The following RARB variants were observed in gnomAD, a reference collection of about 807,000 sequenced individuals.
The protein encoded by RARB is HBV-activated protein.
Under a neutral mutation model 51.9 loss-of-function variants are expected in RARB, and 17 were observed. That is an observed-to-expected ratio of 0.33 (90% confidence interval 0.22 to 0.49). The LOEUF (loss-of-function observed/expected upper bound fraction) is 0.49. RARB is among the 20% of genes least tolerant of loss of function. The pLI is 0.99. For missense variants in RARB, 369 were observed against 550.8 expected, an observed-to-expected ratio of 0.67 and a Z score of 3.30; for synonymous variants, 215 against 195.4, an observed-to-expected ratio of 1.10 and a Z score of -0.84.
intron 5 of RARB, among the ~76,000 whole-genome samples, chr3:25,371,617 A>G (rs923630017): frequency 1.3e-5 from 2 of 152,266 alleles, no homozygotes; most frequent in African/African-American, 2.4e-5. Context: ...AAGTGGATCA[A>G]TAAGTGTTTT....
At chr3:25,357,317 T>C (rs1705773048) in intron 5 of RARB, among the ~76,000 whole-genome samples, 1 of 152,250 alleles carries the variant, frequency 6.6e-6, no homozygotes, top group African/African-American at 2.4e-5. Flanking sequence ...TGTCTTCTTT[T>C]CAAAAGTATC....
At chr3:25,010,794 T>G (rs1697379209) in intron 2 of RARB, among the ~76,000 whole-genome samples, 1 of 152,148 alleles carries the variant, frequency 6.6e-6, no homozygotes, top group African/African-American at 2.4e-5. Flanking sequence ...GATCCTTCTT[T>G]GGTCAGAATT....
chr3:25,561,755 A>T (rs934136653), intron 3 of RARB, among the ~76,000 whole-genome samples: 1 of 152,228 alleles, frequency 6.6e-6, no homozygotes, highest in Non-Finnish European at 1.5e-5. Flanking sequence ...GGCTTTTAAA[A>T]GACAGTAGAA....
At chr3:25,560,345 T>A (rs1700223090) in intron 3 of RARB, among the ~76,000 whole-genome samples, 1 of 152,224 alleles carries the variant, frequency 6.6e-6, no homozygotes, top group Admixed American at 6.5e-5. Context: ...TTTCTAAAAT[T>A]GACAACATGA....
At chr3:24,975,986 T>G (rs1173615834) in intron 2 of RARB, among the ~76,000 whole-genome samples, 1 of 152,208 alleles carries the variant, frequency 6.6e-6, no homozygotes, top group Non-Finnish European at 1.5e-5. Flanking sequence ...TTTCTCATTG[T>G]TCAACTCCCA....
chr3:25,035,158 A>G (rs1227106903), intron 2 of RARB, among the ~76,000 whole-genome samples: 7 of 152,102 alleles, frequency 4.6e-5, no homozygotes, highest in Non-Finnish European at 8.8e-5. Flanking sequence ...GTCTTACTCT[A>G]TCACTCGGGC....
intron 5 of RARB, among the ~76,000 whole-genome samples, chr3:25,402,562 T>A (rs936267989): frequency 1.3e-5 from 2 of 152,134 alleles, no homozygotes; most frequent in East Asian, 3.9e-4. Flanking sequence ...TAAGTTTCCA[T>A]CAATAGATGA....
chr3:25,545,777 A>T (rs1291071199), intron 3 of RARB, among the ~76,000 whole-genome samples: 1 of 152,146 alleles, frequency 6.6e-6, no homozygotes, highest in African/African-American at 2.4e-5. Flanking sequence ...AATTTATGAA[A>T]GGCTGAGGAT....
intron 2 of RARB, among the ~76,000 whole-genome samples, chr3:24,929,694 T>G (rs1039903815): frequency 6.6e-6 from 1 of 152,080 alleles, no homozygotes; most frequent in African/African-American, 2.4e-5. Context: ...TTCTTATTCC[T>G]CTCTACTTTT....
chr3:24,962,986 G>T (rs1260029625), intron 2 of RARB, among the ~76,000 whole-genome samples: 2 of 152,088 alleles, frequency 1.3e-5, no homozygotes, highest in East Asian at 3.9e-4. Context: ...AATCCCTTCA[G>T]CCTGCCTACA....
chr3:25,144,251 C>T (rs1700154178), intron 4 of RARB, among the ~76,000 whole-genome samples: 1 of 152,110 alleles, frequency 6.6e-6, no homozygotes, highest in African/African-American at 2.4e-5. Context: ...ACCTTCTAGA[C>T]CAGTACACTG....
chr3:25,121,364 T>G lies in RARB; in HGVS notation c.-327-10797T>G, dbSNP rs763009426. ...TCACCTCCTTTTCAGTTTTCAGAAT[T>G]TCTAGCTTCCTATTTAGATTTTTAA... On this transcript the variant is annotated intron_variant, in intron 3 of 11. Coordinates refer to the RARB transcript ENST00000383772. Among the ~76,000 whole-genome samples, 66 of 152,174 alleles carry G rather than the reference T, an allele frequency of 4.3e-4. 1 individual carries two copies. The highest frequency in any genetic ancestry group is 3.9e-4 in the Admixed American group (6 of 15,270).
At chr3:25,411,244 A>G (rs933586174) in intron 5 of RARB, among the ~76,000 whole-genome samples, 1 of 152,238 alleles carries the variant, frequency 6.6e-6, no homozygotes, top group Non-Finnish European at 1.5e-5. Flanking sequence ...GAAGTCACAC[A>G]TTCACACCTT....
At chr3:25,018,232 A>G (rs1697556869) in intron 2 of RARB, among the ~76,000 whole-genome samples, 1 of 135,270 alleles carries the variant, frequency 7.4e-6, no homozygotes, top group South Asian at 2.6e-4. Flanking sequence ...TATTGTGCAA[A>G]TAGCATAGCA....
chr3:25,431,790 T>G (rs1708219984), intron 1 of RARB, among the ~76,000 whole-genome samples: 2 of 152,112 alleles, frequency 1.3e-5, no homozygotes, highest in South Asian at 4.1e-4. Context: ...GAGAAGAAAT[T>G]ATTTTTAAAA....
intron 5 of RARB, among the ~76,000 whole-genome samples, chr3:25,312,399 T>A (rs1393747382): frequency 6.6e-6 from 1 of 152,082 alleles, no homozygotes; most frequent in Non-Finnish European, 1.5e-5. Flanking sequence ...TTTTGAGAAG[T>A]TAAAGGACTC....
intron 5 of RARB, among the ~76,000 whole-genome samples, chr3:25,186,919 G>GTGTGTGTGTGTGTGTGTGTGTGTGTT (rs1700992115): frequency 1.3e-5 from 2 of 150,942 alleles, no homozygotes; most frequent in Admixed American, 1.3e-4. Flanking sequence ...GTGTGTGTGT[G>GTGTGTGTGTGTGTGTGTGTGTGTGTT]TGTGTGTGTG....
At chr3:24,991,943 A>C (rs1696920917) in intron 2 of RARB, among the ~76,000 whole-genome samples, 2 of 151,902 alleles carry the variant, frequency 1.3e-5, no homozygotes, top group Non-Finnish European at 2.9e-5. Flanking sequence ...CCCTGTGCCA[A>C]ACTGTGCAGA....
chr3:25,488,323 G>A (rs961035141), intron 2 of RARB, among the ~76,000 whole-genome samples: 1 of 152,102 alleles, frequency 6.6e-6, no homozygotes, highest in African/African-American at 2.4e-5. Context: ...CCAAGGAAAT[G>A]TTCAGTCCTG....
Sources: gnomAD v4.1 joint callset for allele counts (sites outside exome capture counted in the v4.1 genomes callset) on GRCh38, gnomAD v4.1.1 for gene constraint, MANE v1.5 for transcripts, NCBI Gene and HGNC (gene_info 2026-07-23, HGNC 2026-07-21) for gene names.